The following MARCHF1 variants were observed in gnomAD, a reference collection of about 807,000 sequenced individuals.
The protein encoded by MARCHF1 is E3 ubiquitin-protein ligase MARCHF1.
MARCHF1 carries 40 observed loss-of-function variants against 54.2 expected under a neutral mutation model. The ratio of observed to expected loss-of-function variants is 0.74; its 90% CI spans 0.57 to 0.96. MARCHF1 has a LOEUF of 0.96. Among genes scored for constraint, MARCHF1 ranks in the 40% least tolerant of loss-of-function variants. The pLI, the probability that MARCHF1 is intolerant of heterozygous loss-of-function variation, is 0.00. For missense variants in MARCHF1, 586 were observed against 656.5 expected (o/e 0.89, Z 1.17); for synonymous variants, 236 against 236.3 (o/e 1.00, Z 0.01).
At chr4:164,044,524 C>T (rs574905410) in intron 2 of MARCHF1, among the ~76,000 whole-genome samples, 3 of 152,030 alleles carry the variant, frequency 2.0e-5, no homozygotes, top group Non-Finnish European at 2.9e-5. Flanking sequence ...TCTTCCAATT[C>T]GACATGAGAT....
intron 9 of MARCHF1, among the ~76,000 whole-genome samples, chr4:163,543,209 G>A (rs1486058322): frequency 6.6e-6 from 1 of 152,130 alleles, no homozygotes; most frequent in Non-Finnish European, 1.5e-5. Context: ...GTTGAAGTTG[G>A]CAAAACTGGA....
chr4:163,745,465 G>T (rs1480263761), intron 4 of MARCHF1, among the ~76,000 whole-genome samples: 2 of 152,052 alleles, frequency 1.3e-5, no homozygotes, highest in East Asian at 3.9e-4. Flanking sequence ...CGACCCCGCT[G>T]ATACAAATAC....
At chr4:163,618,360 G>A (rs545198403) in intron 5 of MARCHF1, among the ~76,000 whole-genome samples, 50 of 152,196 alleles carry the variant, frequency 3.3e-4, no homozygotes, top group African/African-American at 8.7e-4. Flanking sequence ...TAATACGCCC[G>A]AGGACAACTC....
chr4:163,794,851 A>G (rs1747869014), intron 4 of MARCHF1, among the ~76,000 whole-genome samples: 1 of 151,142 alleles, frequency 6.6e-6, no homozygotes, highest in Non-Finnish European at 1.5e-5. Flanking sequence ...AAATGCATAT[A>G]AATATATTTC....
intron 5 of MARCHF1, among the ~76,000 whole-genome samples, chr4:163,623,091 T>G (rs1560980414): frequency 1.3e-5 from 2 of 152,264 alleles, no homozygotes; most frequent in South Asian, 4.1e-4. Flanking sequence ...CTAGCCCATG[T>G]CACCTCCCAT....
chr4:163,851,481 G>T (rs1270460148), intron 4 of MARCHF1, among the ~76,000 whole-genome samples: 2 of 152,184 alleles, frequency 1.3e-5, no homozygotes, highest in African/African-American at 4.8e-5. Flanking sequence ...CAGGTAATTT[G>T]TTCATGGGTG....
intron 8 of MARCHF1, among the ~76,000 whole-genome samples, chr4:163,570,428 C>G (rs916827303): frequency 7.9e-5 from 12 of 152,006 alleles, no homozygotes; most frequent in Admixed American, 7.9e-4. Flanking sequence ...GGTATTATTG[C>G]CAACCTTCTA....
At chr4:164,359,813 C>G (rs1730672887) in intron 1 of MARCHF1, among the ~76,000 whole-genome samples, 2 of 152,104 alleles carry the variant, frequency 1.3e-5, no homozygotes, top group African/African-American at 2.4e-5. Context: ...TAAACACAAG[C>G]CTCTAGGAAA....
chr4:163,780,989 G>T (rs909377804), intron 4 of MARCHF1, among the ~76,000 whole-genome samples: 1 of 152,114 alleles, frequency 6.6e-6, no homozygotes, highest in African/African-American at 2.4e-5. Context: ...TTTACTGCAG[G>T]GATCAACATG....
At chr4:164,254,208 T>C (rs913011016) in intron 1 of MARCHF1, among the ~76,000 whole-genome samples, 6 of 151,978 alleles carry the variant, frequency 3.9e-5, no homozygotes, top group African/African-American at 1.2e-4. Flanking sequence ...TGTGCCACCA[T>C]GCCTGGCTAA....
intron 2 of MARCHF1, among the ~76,000 whole-genome samples, chr4:164,056,655 T>C (rs1339001525): frequency 1.3e-5 from 2 of 152,170 alleles, no homozygotes; most frequent in African/African-American, 4.8e-5. Flanking sequence ...GGCCTGGCTT[T>C]AGGGATTGTG....
At chr4:163,530,846 A>C (rs1738320838) in intron 9 of MARCHF1, 1 of 151,948 alleles carries the variant, frequency 6.6e-6, no homozygotes, top group Non-Finnish European at 1.5e-5. Flanking sequence ...ATCATCTTGA[A>C]TATTTACTTA....
At chr4:163,828,524 T>C (rs1476917683) in intron 4 of MARCHF1, among the ~76,000 whole-genome samples, 2 of 152,154 alleles carry the variant, frequency 1.3e-5, no homozygotes, top group Admixed American at 1.3e-4. Flanking sequence ...AACATAGTCA[T>C]GAATGTGTTA....
At chr4:163,711,416 C>G (rs115471319) in intron 4 of MARCHF1, among the ~76,000 whole-genome samples, 1 of 152,052 alleles carries the variant, frequency 6.6e-6, no homozygotes, top group Non-Finnish European at 1.5e-5. Flanking sequence ...TCCACCAGTC[C>G]GTGTAGATCC....
intron 1 of MARCHF1, among the ~76,000 whole-genome samples, chr4:164,165,390 G>T (rs200046669): frequency 1.0e-4 from 13 of 124,956 alleles, no homozygotes; most frequent in Non-Finnish European, 2.1e-4. Flanking sequence ...CTCTGCCTCT[G>T]TCTCTGTCTC....
chr4:163,529,156 A>C, intron 9 of MARCHF1, 110 bp from the exon 10 acceptor site: 1 of 712,610 alleles, frequency 1.4e-6, no homozygotes, highest in Non-Finnish European at 2.3e-6. Context: ...TAGATTATGT[A>C]TGTTAACAGA....
intron 3 of MARCHF1, among the ~76,000 whole-genome samples, chr4:163,922,313 T>A (rs1751449290): frequency 2.0e-5 from 3 of 152,140 alleles, no homozygotes; most frequent in Admixed American, 2.0e-4. Context: ...TGTATACATA[T>A]GTAACTAACC....
chr4:164,074,595 C>T (rs76770825), intron 2 of MARCHF1, among the ~76,000 whole-genome samples: 11,834 of 151,720 alleles, frequency 0.078, 540 homozygotes, highest in Middle Eastern at 0.16. Flanking sequence ...TTTGTTTAAA[C>T]AAATTGTGGT....
chr4:164,221,745 G>T, intron 1 of MARCHF1, among the ~76,000 whole-genome samples: 1 of 151,926 alleles, frequency 6.6e-6, no homozygotes, highest in East Asian at 1.9e-4. Context: ...AGCTGCTGCT[G>T]CACCTTGAAA....
Sources: allele counts gnomAD v4.1 joint callset (sites outside exome capture counted in the v4.1 genomes callset), GRCh38; gene constraint gnomAD v4.1.1; transcripts MANE v1.5; gene names NCBI Gene and HGNC (gene_info 2026-07-23, HGNC 2026-07-21).